The following NCAM2 variants were observed in gnomAD, a reference collection of about 807,000 sequenced individuals.
The protein encoded by NCAM2 is neural cell adhesion molecule 2.
Under a neutral mutation model 98.1 loss-of-function variants are expected in NCAM2, and 30 were observed. The ratio of observed to expected loss-of-function variants is 0.31; its 90% CI spans 0.23 to 0.41. The LOEUF (loss-of-function observed/expected upper bound fraction) is 0.41, where lower values mean the gene tolerates loss of function less well. Ranked by LOEUF, NCAM2 falls within the 10% of genes least tolerant of loss-of-function variation. The pLI is 1.00. For missense variants in NCAM2, 867 were observed against 1,005.8 expected (o/e 0.86, Z 1.87); for synonymous variants, 368 against 342.4 (o/e 1.07, Z -0.83).
intron 10 of NCAM2, among the ~76,000 whole-genome samples, chr21:21,414,712 G>A (rs1308732690): frequency 1.3e-5 from 2 of 151,666 alleles, no homozygotes; most frequent in Admixed American, 6.6e-5. Context: ...CTCGTGATCC[G>A]CCTGCCTCGG....
chr21:21,113,953 C>T (rs1256020695), intron 1 of NCAM2, among the ~76,000 whole-genome samples: 1 of 151,974 alleles, frequency 6.6e-6, no homozygotes, highest in South Asian at 2.1e-4. Flanking sequence ...TAAGAAGGTC[C>T]AAAAGTTCCA....
chr21:21,331,578 T>TATATATATAGAGAGAG (rs1444969281), intron 6 of NCAM2, among the ~76,000 whole-genome samples: 1 of 2,150 alleles, frequency 4.7e-4, no homozygotes, highest in African/African-American at 7.5e-4. Context: ...CATATATATA[T>TATATATATAGAGAGAG]AGAGAGAGAG....
rs377518355 is a variant in NCAM2, at chr21:21,032,069, A to G, written c.55+33451A>G. On this transcript the variant is annotated intron_variant, in intron 1 of 17. Coordinates refer to ENST00000400546, the MANE Select transcript of NCAM2 (RefSeq NM_004540.5). ...TCAAAGTTTATCAGGCACCACTATT[A>G]TGCCATCTCAATGCAATGGTGAGCG... is the stretch of plus-strand genomic sequence containing the variant. Among the ~76,000 whole-genome samples the G allele has an allele frequency of 2.6e-5, 4 of 152,276 alleles. No homozygotes were observed. The East Asian group carries it at 5.8e-4, about 22-fold the overall frequency.
intron 16 of NCAM2, among the ~76,000 whole-genome samples, chr21:21,528,665 A>G (rs897486074): frequency 3.3e-5 from 5 of 152,198 alleles, no homozygotes; most frequent in African/African-American, 1.2e-4. Flanking sequence ...AAGTCAAAAG[A>G]CTAAAAGAAA....
rs189949912 is a variant in NCAM2 at position 21,386,730 on chromosome 21, G to T, written c.1195+12717G>T. ...GACAGGTGTTATTTGATTCAGATCA[G>T]ATCTTGTTAAAATGTATTTCAGAGA... On this transcript the variant is annotated intron_variant, in intron 9 of 17. Transcript: ENST00000400546. Among the ~76,000 whole-genome samples, 9 of 152,168 alleles carry T rather than the reference G, an allele frequency of 5.9e-5. No homozygotes were observed. The East Asian group carries it at 1.7e-3, about 30-fold the overall frequency.
chr21:21,249,901 A>G (rs908756516), intron 1 of NCAM2, among the ~76,000 whole-genome samples: 3 of 152,248 alleles, frequency 2.0e-5, no homozygotes, highest in Non-Finnish European at 4.4e-5. Flanking sequence ...GCACATCCAC[A>G]TGTATTTAAT....
intron 1 of NCAM2, among the ~76,000 whole-genome samples, chr21:21,229,435 G>A (rs540209062): frequency 6.6e-6 from 1 of 151,540 alleles, no homozygotes; most frequent in African/African-American, 2.4e-5. Flanking sequence ...AGGCATTATA[G>A]TATTAATAAA....
chr21:21,512,249 T>C (rs1264632303), intron 16 of NCAM2, among the ~76,000 whole-genome samples: 1 of 152,048 alleles, frequency 6.6e-6, no homozygotes, highest in Non-Finnish European at 1.5e-5. Flanking sequence ...GTCATTATTC[T>C]GTTTTGATTT....
intron 1 of NCAM2, among the ~76,000 whole-genome samples, chr21:21,273,745 T>C (rs1397646214): frequency 6.6e-6 from 1 of 152,218 alleles, no homozygotes; most frequent in East Asian, 1.9e-4. Context: ...AATTTTTTAA[T>C]ATTATTTGGT....
At chr21:21,195,005 G>T (rs1002573552) in intron 1 of NCAM2, among the ~76,000 whole-genome samples, 1 of 152,064 alleles carries the variant, frequency 6.6e-6, no homozygotes, top group Admixed American at 6.5e-5. Flanking sequence ...AATATGCAGT[G>T]TTTATATTTC....
chr21:21,103,776 T>TA (rs2066290396), intron 1 of NCAM2, among the ~76,000 whole-genome samples: 1 of 152,068 alleles, frequency 6.6e-6, no homozygotes, highest in Non-Finnish European at 1.5e-5. Flanking sequence ...ATGAAACAAA[T>TA]AGAGTTTTTG....
rs745493152 is a variant in NCAM2 at position 21,477,502 on chromosome 21, A to G, written c.2077+31A>G. 8 of 1,486,778 alleles carry G rather than the reference A, an allele frequency of 5.4e-6. No individual in the cohort carries two copies. The African/African-American group carries it at 1.1e-4, about 21-fold the overall frequency. 92.1% of individuals were successfully genotyped at this position (1,486,778 alleles called of 1,614,324 possible). ...CAAAACTATATTCTTTTTTAGACTGAACAATAAATATGATACCACCTTTTT... is the reference window on the plus strand; with the variant it reads ...CAAAACTATATTCTTTTTTAGACTGGACAATAAATATGATACCACCTTTTT... On this transcript the variant is annotated intron_variant, in intron 15 of 17. Coordinates refer to ENST00000400546, the MANE Select transcript of NCAM2 (RefSeq NM_004540.5).
chr21:21,519,764 T>C (rs569494759), intron 16 of NCAM2, among the ~76,000 whole-genome samples: 1 of 152,272 alleles, frequency 6.6e-6, no homozygotes, highest in African/African-American at 2.4e-5. Flanking sequence ...TTGAAAAAGA[T>C]ATAAAATCTT....
At chr21:21,296,585 AT>A (rs2073488579) in intron 5 of NCAM2, among the ~76,000 whole-genome samples, 1 of 151,732 alleles carries the variant, frequency 6.6e-6, no homozygotes, top group African/African-American at 2.4e-5. Context: ...TAAAAACCTG[AT>A]TTATGGGACA....
chr21:21,002,627 CTT>C lies in NCAM2; in HGVS notation c.55+4010_55+4011del, dbSNP rs552164879. ...TTTAACATTTGGGAAATCATTGTAA[CTT>C]ATCTCTTTTCAGGGTCATCTCTCAC... On this transcript the variant is annotated intron_variant, in intron 1 of 17. Transcript: ENST00000400546. Among the ~76,000 whole-genome samples the C allele has an allele frequency of 3.6e-4, 55 of 152,228 alleles. 1 individual carries two copies. The South Asian group carries it at 0.01, about 29-fold the overall frequency.
chr21:21,375,118 CTA>C (rs2076002921), intron 9 of NCAM2, among the ~76,000 whole-genome samples: 1 of 150,684 alleles, frequency 6.6e-6, no homozygotes, highest in East Asian at 2.0e-4. Context: ...ACATATGTAA[CTA>C]ACCTGCACAT....
intron 1 of NCAM2, among the ~76,000 whole-genome samples, chr21:21,130,111 G>T (rs2066904826): frequency 6.6e-6 from 1 of 151,972 alleles, no homozygotes; most frequent in Admixed American, 6.6e-5. Flanking sequence ...AAAAATAAAT[G>T]TATAAAACAA....
At chr21:21,266,490 A>T (rs930704856) in intron 1 of NCAM2, among the ~76,000 whole-genome samples, 5 of 152,136 alleles carry the variant, frequency 3.3e-5, no homozygotes, top group Non-Finnish European at 5.9e-5. Context: ...CATAAATGGT[A>T]GACGTATTAA....
At chr21:21,096,548 C>T (rs2066128582) in intron 1 of NCAM2, among the ~76,000 whole-genome samples, 1 of 151,576 alleles carries the variant, frequency 6.6e-6, no homozygotes, top group Non-Finnish European at 1.5e-5. Flanking sequence ...ATGTTTTTTT[C>T]TCTGTAAAAT....
Sources: allele counts gnomAD v4.1 joint callset (sites outside exome capture counted in the v4.1 genomes callset), GRCh38; gene constraint gnomAD v4.1.1; transcripts MANE v1.5; gene names NCBI Gene and HGNC (gene_info 2026-07-23, HGNC 2026-07-21).